Variants in IL23R observed in about 807,000 individuals in gnomAD.
The protein encoded by IL23R is interleukin-23 receptor.
A neutral mutation model predicts 56.9 loss-of-function variants in IL23R; 34 were observed. The observed-to-expected ratio is 0.60, with a 90% CI of 0.45 to 0.80. IL23R has a LOEUF of 0.80. IL23R is among the 30% of genes least tolerant of loss of function. IL23R has a pLI of 0.00. For missense variants in IL23R, 635 were observed against 730.0 expected, an observed-to-expected ratio of 0.87 and a Z score of 1.50; for synonymous variants, 230 against 249.2, an observed-to-expected ratio of 0.92 and a Z score of 0.73.
At chr1:67,173,690 C>T (rs565477208) in intron 3 of IL23R, among the ~76,000 whole-genome samples, 4 of 151,990 alleles carry the variant, frequency 2.6e-5, no homozygotes, top group Admixed American at 6.6e-5. Flanking sequence ...ATTAGACCTT[C>T]GATATATGAA....
chr1:67,190,039 A>G (rs1225370916), intron 4 of IL23R, among the ~76,000 whole-genome samples: 1 of 152,204 alleles, frequency 6.6e-6, no homozygotes, highest in African/African-American at 2.4e-5. Context: ...TCGAGGTAGT[A>G]TTATGTTTAA....
At chr1:67,153,793 T>C (rs1646748775) in intron 1 of IL23R, among the ~76,000 whole-genome samples, 1 of 151,502 alleles carries the variant, frequency 6.6e-6, no homozygotes, top group African/African-American at 2.4e-5. Context: ...TGAGATGGAG[T>C]CTCGCTCTGT....
intron 1 of IL23R, among the ~76,000 whole-genome samples, chr1:67,153,752 G>A (rs1646748429): frequency 1.4e-5 from 2 of 146,234 alleles, no homozygotes; most frequent in Admixed American, 1.4e-4. Flanking sequence ...TGTAGTGTGT[G>A]GTTTTGAGTG....
chr1:67,151,765 A>G (rs1486753717), intron 1 of IL23R, among the ~76,000 whole-genome samples: 1 of 152,034 alleles, frequency 6.6e-6, no homozygotes, highest in Non-Finnish European at 1.5e-5. Context: ...GGTTGTAGAT[A>G]TGTGGTGTTG....
chr1:67,249,174 T>C lies in IL23R; in HGVS notation c.1149-6663T>C, dbSNP rs549769355. Among the ~76,000 whole-genome samples the C allele has an allele frequency of 4.6e-5, 7 of 152,380 alleles. No homozygotes were observed. In the South Asian group the frequency reaches 1.0e-3, roughly 23 times the overall value. On this transcript the variant is annotated intron_variant, in intron 9 of 10. Transcript: ENST00000347310. ...GATTTAGCATGAAAATCTGGCATAGTATTTTCTTGGTATTTAATTAATTTT... is the reference window on the plus strand; with the variant it reads ...GATTTAGCATGAAAATCTGGCATAGCATTTTCTTGGTATTTAATTAATTTT...
intron 4 of IL23R, among the ~76,000 whole-genome samples, chr1:67,184,018 G>A (rs1647205031): frequency 6.6e-6 from 1 of 152,108 alleles, no homozygotes; most frequent in African/African-American, 2.4e-5. Context: ...TGGATCACCC[G>A]AGGTCAGGAG....
At chr1:67,228,846 C>G (rs1028609221) in intron 7 of IL23R, among the ~76,000 whole-genome samples, 5 of 152,172 alleles carry the variant, frequency 3.3e-5, no homozygotes, top group African/African-American at 1.2e-4. Flanking sequence ...CTTATAAGAA[C>G]TCTTGTGATT....
intron 4 of IL23R, among the ~76,000 whole-genome samples, chr1:67,198,081 CT>C (rs1648307145): frequency 6.6e-6 from 1 of 152,140 alleles, no homozygotes; most frequent in South Asian, 2.1e-4. Context: ...ATATGCCACA[CT>C]CTTTAAAATG....
the IL23R span, among the ~76,000 whole-genome samples, chr1:67,265,895 G>T: frequency 6.6e-6 from 1 of 151,940 alleles, no homozygotes; most frequent in South Asian, 2.1e-4. Context: ...ATTAGATTTT[G>T]GTAAGTATTA....
chr1:67,229,695 T>TCG (rs1650972100), intron 7 of IL23R, among the ~76,000 whole-genome samples: 1 of 152,212 alleles, frequency 6.6e-6, no homozygotes. Flanking sequence ...GTTACCACTT[T>TCG]GGGCATTCTA....
intron 4 of IL23R, among the ~76,000 whole-genome samples, chr1:67,184,333 A>G (rs1213297135): frequency 6.6e-6 from 1 of 151,562 alleles, no homozygotes; most frequent in East Asian, 2.0e-4. Flanking sequence ...ATCACCTGAG[A>G]TCAGGAATTT....
intron 1 of IL23R, among the ~76,000 whole-genome samples, chr1:67,148,511 G>A (rs1410337903): frequency 6.6e-6 from 1 of 152,224 alleles, no homozygotes; most frequent in Non-Finnish European, 1.5e-5. Flanking sequence ...ACTACCTGAT[G>A]GGTCAGGTGT....
intron 3 of IL23R, among the ~76,000 whole-genome samples, chr1:67,171,926 G>A (rs566491645): frequency 3.1e-4 from 47 of 152,326 alleles, no homozygotes; most frequent in African/African-American, 1.1e-3. Context: ...GAAGGTAAGA[G>A]AATGGACTTT....
intron 1 of IL23R, among the ~76,000 whole-genome samples, chr1:67,145,343 G>T (rs536339303): frequency 6.6e-6 from 1 of 152,248 alleles, no homozygotes; most frequent in South Asian, 2.1e-4. Flanking sequence ...GCAAAACCCT[G>T]TCTCAAATAC....
chr1:67,164,419 GGTCAGGA>G (rs1040633582), upstream of IL23R, among the ~76,000 whole-genome samples: 6 of 152,256 alleles, frequency 3.9e-5, no homozygotes, highest in African/African-American at 1.4e-4. Flanking sequence ...GATCACCTGA[GGTCAGGA>G]GTTCAAGACT....
Position 67,219,730 on chromosome 1 carries a change from G to C in IL23R, c.955G>C (p.Val319Leu), listed in dbSNP as rs760405559. ...GTTTTTTCATAAAACACCTGAAACA[G>C]GTGAGTGTACTTATATATTTTATTC... ...SLFFHKTPET[V>L]PQVTSKAFQH... Residue 319 changes from valine (V) to leucine (L), a missense_variant and splice_region_variant, in exon 7 of 11, where the codon GTT becomes CTT. Coordinates refer to ENST00000347310, the MANE Select transcript of IL23R (RefSeq NM_144701.3). 16 of 1,612,846 alleles carry C rather than the reference G, an allele frequency of 9.9e-6. No homozygotes were observed. The highest frequency in any genetic ancestry group is 1.4e-5 in the Non-Finnish European group (16 of 1,178,962).
chr1:67,171,629 C>T (rs1187447047), intron 3 of IL23R, among the ~76,000 whole-genome samples: 4 of 152,130 alleles, frequency 2.6e-5, no homozygotes, highest in African/African-American at 4.8e-5. Context: ...GCTCTTTCTA[C>T]GTGGTTGCTG....
At chr1:67,175,961 G>C (rs1452704313) in intron 3 of IL23R, among the ~76,000 whole-genome samples, 2 of 152,132 alleles carry the variant, frequency 1.3e-5, no homozygotes, top group Non-Finnish European at 2.9e-5. Flanking sequence ...AAGTAGCTGA[G>C]ACTACAGATA....
At chr1:67,184,863 G>A (rs1393516957) in intron 4 of IL23R, among the ~76,000 whole-genome samples, 1 of 152,108 alleles carries the variant, frequency 6.6e-6, no homozygotes, top group African/African-American at 2.4e-5. Flanking sequence ...ATAGTAACAA[G>A]AGTTGGGGCC....
Sources: gnomAD v4.1 joint callset for allele counts (sites outside exome capture counted in the v4.1 genomes callset) on GRCh38, gnomAD v4.1.1 for gene constraint, MANE v1.5 for transcripts, NCBI Gene and HGNC (gene_info 2026-07-23, HGNC 2026-07-21) for gene names.